The following DACH2 variants were observed in gnomAD, a reference collection of about 807,000 sequenced individuals.
DACH2 encodes the protein dachshund homolog 2.
Under a neutral mutation model 35.8 loss-of-function variants are expected in DACH2, and 17 were observed. That is an observed-to-expected ratio of 0.48 (90% CI 0.33 to 0.71). The LOEUF (loss-of-function observed/expected upper bound fraction) is 0.71, where lower values mean the gene tolerates loss of function less well. Among genes scored for constraint, DACH2 ranks in the 30% least tolerant of loss-of-function variants. The pLI is 0.02. For synonymous variants in DACH2, 195 were observed against 177.3 expected (o/e 1.10, Z -0.79); for missense variants, 469 against 472.7 (o/e 0.99, Z 0.07).
intron 6 of DACH2, among the ~76,000 whole-genome samples, chrX:86,720,640 G>T (rs1156434278): frequency 1.8e-5 from 2 of 112,192 alleles, no homozygotes; most frequent in African/African-American, 6.5e-5. Flanking sequence ...GGATGGTGTT[G>T]AGTGTCTGTG....
intron 2 of DACH2, among the ~76,000 whole-genome samples, chrX:86,395,197 A>T (rs2036264787): frequency 9.0e-6 from 1 of 111,353 alleles, no homozygotes; most frequent in Admixed American, 9.6e-5. Flanking sequence ...CATTTGGATG[A>T]AATAATTTTC....
intron 2 of DACH2, among the ~76,000 whole-genome samples, chrX:86,510,097 A>G (rs977489203): frequency 8.9e-5 from 10 of 112,104 alleles, no homozygotes; most frequent in Non-Finnish European, 1.3e-4. Context: ...TCCTTGCTGA[A>G]TCAAGGACTG....
At chrX:86,212,990 G>A (rs753212652) in intron 1 of DACH2, among the ~76,000 whole-genome samples, 1 of 111,476 alleles carries the variant, frequency 9.0e-6, no homozygotes, top group East Asian at 2.8e-4. Flanking sequence ...AAACTCTTCA[G>A]TGCAGTATTC....
chrX:86,428,454 C>T (rs1185127013), intron 2 of DACH2, among the ~76,000 whole-genome samples: 1 of 111,894 alleles, frequency 8.9e-6, no homozygotes, highest in Non-Finnish European at 1.9e-5. Flanking sequence ...AGCCACCATG[C>T]TAATGCCTCT....
chrX:86,493,442 A>G (rs1393612006), intron 2 of DACH2, among the ~76,000 whole-genome samples: 1 of 111,598 alleles, frequency 9.0e-6, no homozygotes, highest in Non-Finnish European at 1.9e-5. Flanking sequence ...AGTAAACTAT[A>G]CCAATTTAGC....
chrX:86,538,133 C>T (rs1002620713), intron 3 of DACH2, among the ~76,000 whole-genome samples: 19 of 111,309 alleles, frequency 1.7e-4, no homozygotes, highest in East Asian at 8.5e-4. Flanking sequence ...TCTCTTCACA[C>T]GGATGCACGT....
intron 1 of DACH2, among the ~76,000 whole-genome samples, chrX:86,164,922 T>C (rs192707162): frequency 1.9e-5 from 2 of 105,588 alleles, no homozygotes; most frequent in East Asian, 5.6e-4. Context: ...TTTGGGCTCC[T>C]TTTTGGTTCT....
rs992506922 is a variant in DACH2, at chrX:86,726,735, G to A, written c.1104+12015G>A. ...ACCTGTGTTAGGCCCAAGGCCTGTG[G>A]TGATTGATGGGTTCTTCTATAAGCC... On this transcript the variant is annotated intron_variant, in intron 6 of 11. Coordinates refer to ENST00000373125, the MANE Select transcript of DACH2 (RefSeq NM_053281.3). Among the ~76,000 whole-genome samples, 6 of 112,076 alleles carry A rather than the reference G, an allele frequency of 5.4e-5. No homozygotes were observed. In the South Asian group the frequency reaches 1.1e-3, roughly 21 times the overall value.
intron 7 of DACH2, among the ~76,000 whole-genome samples, chrX:86,796,339 C>A (rs1028726983): frequency 9.0e-6 from 1 of 111,226 alleles, no homozygotes. Flanking sequence ...AGACACAGAG[C>A]GCTCCTTGGT....
chrX:86,574,067 C>T (rs2039406164), intron 3 of DACH2, among the ~76,000 whole-genome samples: 1 of 111,544 alleles, frequency 9.0e-6, no homozygotes, highest in Non-Finnish European at 1.9e-5. Flanking sequence ...GGAAGTATGA[C>T]CTGGTACCTA....
chrX:86,788,276 G>T (rs190078659), intron 7 of DACH2, among the ~76,000 whole-genome samples: 2 of 110,859 alleles, frequency 1.8e-5, no homozygotes, highest in Admixed American at 1.9e-4. Context: ...GGAAGCTGCT[G>T]ATCACCGGCT....
chrX:86,529,628 A>G (rs1467515275), intron 3 of DACH2, among the ~76,000 whole-genome samples: 3 of 109,212 alleles, frequency 2.7e-5, no homozygotes, highest in Non-Finnish European at 5.7e-5. Context: ...ACCCGCCTCC[A>G]CACCCAGCTA....
rs146974512 is a variant in DACH2 at position 86,638,238 on chromosome X, T to C, written c.641-12798T>C. Among the ~76,000 whole-genome samples, 1,068 of 111,765 alleles carry C rather than the reference T, an allele frequency of 9.6e-3. 18 individuals carry two copies. Among genetic ancestry groups the C allele is most frequent in the African/African-American group, 0.033 (1,026 of 30,684 alleles). On this transcript the variant is annotated intron_variant, in intron 3 of 11. Coordinates refer to ENST00000373125, the MANE Select transcript of DACH2 (RefSeq NM_053281.3). ...CGAAGAATGAAACTGGATCCCTGTC[T>C]CTCACCATATGAAAAAACTAGCTCC...
At chrX:86,794,595 T>C (rs1229650121) in intron 7 of DACH2, among the ~76,000 whole-genome samples, 1 of 111,151 alleles carries the variant, frequency 9.0e-6, no homozygotes, top group African/African-American at 3.3e-5. Flanking sequence ...GCAACCCCTA[T>C]ATGCTTCAAA....
At chrX:86,786,165 A>G (rs980970694) in intron 7 of DACH2, among the ~76,000 whole-genome samples, 1 of 111,776 alleles carries the variant, frequency 8.9e-6, no homozygotes, top group Non-Finnish European at 1.9e-5. Flanking sequence ...AGAGTGGAAG[A>G]CAGTCAGATA....
intron 2 of DACH2, among the ~76,000 whole-genome samples, chrX:86,487,384 C>G (rs1286197054): frequency 1.8e-5 from 2 of 111,672 alleles, no homozygotes; most frequent in African/African-American, 6.5e-5. Context: ...GGTGCTATTC[C>G]AGGAACGGTG....
chrX:86,165,862 T>C (rs190552186), intron 1 of DACH2, among the ~76,000 whole-genome samples: 2 of 111,711 alleles, frequency 1.8e-5, no homozygotes, highest in South Asian at 3.7e-4. Context: ...CTATTTTTGC[T>C]TTGGTTGCCT....
intron 7 of DACH2, among the ~76,000 whole-genome samples, chrX:86,775,951 T>C (rs770017598): frequency 2.7e-5 from 3 of 111,411 alleles, no homozygotes; most frequent in African/African-American, 6.5e-5. Context: ...AACTGTGGCA[T>C]AGAGAGAAGG....
intron 2 of DACH2, among the ~76,000 whole-genome samples, chrX:86,391,864 A>C: frequency 9.0e-6 from 1 of 111,724 alleles, no homozygotes; most frequent in African/African-American, 3.2e-5. Flanking sequence ...ATAAGAAAAT[A>C]AGTTGTTTAA....
Sources: allele counts gnomAD v4.1 joint callset (sites outside exome capture counted in the v4.1 genomes callset), GRCh38; gene constraint gnomAD v4.1.1; transcripts MANE v1.5; gene names NCBI Gene and HGNC (gene_info 2026-07-23, HGNC 2026-07-21).